The following ACKR3 variants were observed in gnomAD, a reference collection of about 807,000 sequenced individuals.
ACKR3 encodes C-X-C chemokine receptor type 7.
ACKR3 carries 6 observed loss-of-function variants against 22.4 expected under a neutral mutation model. That is an observed-to-expected ratio of 0.27 (90% CI 0.15 to 0.53). ACKR3 has a LOEUF of 0.53. Among genes scored for constraint, ACKR3 ranks in the 20% least tolerant of loss-of-function variants. The probability of loss-of-function intolerance (pLI) is 0.96; values close to 1 mark genes in which losing one functional copy is unlikely to be tolerated. For synonymous variants in ACKR3, 209 were observed against 205.2 expected, an observed-to-expected ratio of 1.02 and a Z score of -0.16; for missense variants, 396 against 475.2, an observed-to-expected ratio of 0.83 and a Z score of 1.55.
chr2:236,545,282 C>T, the ACKR3 span, among the ~76,000 whole-genome samples: 8,792 of 152,216 alleles, frequency 0.058, 353 homozygotes, highest in African/African-American at 0.1. This position sits in a 1 kb window ranked among gnomAD's most constrained non-coding sequence, Gnocchi z 5.3. Flanking sequence ...AGAGTTCGTG[C>T]CTGGTGGGCT....
upstream of ACKR3, among the ~76,000 whole-genome samples, chr2:236,566,258 C>T (rs1356732856): frequency 1.3e-5 from 2 of 152,220 alleles, no homozygotes; most frequent in Non-Finnish European, 2.9e-5. Context: ...GAGGGAGGAG[C>T]TTAGCTGAAA....
intron 1 of ACKR3, among the ~76,000 whole-genome samples, chr2:236,575,143 T>C (rs1691381435): frequency 6.6e-6 from 1 of 152,102 alleles, no homozygotes; most frequent in African/African-American, 2.4e-5. Context: ...TGAACCTCGA[T>C]TGTTCTGTGG....
chr2:236,545,029 G>A, the ACKR3 span, among the ~76,000 whole-genome samples: 1 of 152,306 alleles, frequency 6.6e-6, no homozygotes, highest in East Asian at 1.9e-4. This position sits in a 1 kb window ranked among gnomAD's most constrained non-coding sequence, Gnocchi z 5.3. Flanking sequence ...AGCAGAGGTG[G>A]GGAAGACACA....
At chr2:236,551,518 A>G in the ACKR3 span, among the ~76,000 whole-genome samples, 2 of 152,032 alleles carry the variant, frequency 1.3e-5, no homozygotes, top group Non-Finnish European at 2.9e-5. Context: ...TGCCACCTGA[A>G]TCTCCCAGTG....
rs544060211 is a variant in ACKR3, at chr2:236,574,371, G to T, written c.-27+4447G>T. Among the ~76,000 whole-genome samples, 1 of 152,142 alleles carries T rather than the reference G, an allele frequency of 6.6e-6. No individual in the cohort carries two copies. The highest frequency in any genetic ancestry group is 1.5e-5 in the Non-Finnish European group (1 of 68,026). On this transcript the variant is annotated intron_variant, in intron 1 of 1. Transcript: ENST00000272928. The surrounding 1 kb of genome is among the most constrained non-coding windows in gnomAD (Gnocchi z 5.6). ...TACACAAAGTTACAGAAGACTTGGT[G>T]GGGGGTGCGGGGCCTGGTAGGAATG...
At chr2:236,559,985 C>A in the ACKR3 span, among the ~76,000 whole-genome samples, 6 of 152,264 alleles carry the variant, frequency 3.9e-5, no homozygotes, top group Admixed American at 6.5e-5. Context: ...CTTTCCATTT[C>A]AAGAGAGTGT....
At chr2:236,543,991 A>G in the ACKR3 span, among the ~76,000 whole-genome samples, 1 of 44,242 alleles carries the variant, frequency 2.3e-5, no homozygotes, top group East Asian at 5.5e-4. Flanking sequence ...ATATATATAT[A>G]TACACTTTTT....
the ACKR3 span, among the ~76,000 whole-genome samples, chr2:236,551,563 C>T: frequency 2.0e-5 from 3 of 152,182 alleles, no homozygotes; most frequent in Admixed American, 6.5e-5. Flanking sequence ...GGTGCAGACA[C>T]CAGCTGATTT....
the ACKR3 span, among the ~76,000 whole-genome samples, chr2:236,557,325 G>T: frequency 6.6e-6 from 1 of 151,910 alleles, no homozygotes; most frequent in African/African-American, 2.4e-5. Flanking sequence ...AGAGAGCCTG[G>T]AAGTTGCAAC....
chr2:236,567,546 T>C (rs957133424), upstream of ACKR3, among the ~76,000 whole-genome samples: 1 of 152,228 alleles, frequency 6.6e-6, no homozygotes, highest in Non-Finnish European at 1.5e-5. Flanking sequence ...CCCTGCTTGC[T>C]TACCCTCTCG....
At position 236,581,698 on chromosome 2, in the gene ACKR3, T is replaced by G; in HGVS notation, c.*144T>G. ...GGGGAGCACGTGCCCCCTGCATCCATTCTCTCTTTCTCTTGATGACGCAGC... is the reference window on the plus strand; with the variant it reads ...GGGGAGCACGTGCCCCCTGCATCCAGTCTCTCTTTCTCTTGATGACGCAGC... On this transcript the variant is annotated 3_prime_UTR_variant, in exon 2 of 2. Coordinates refer to ENST00000272928, the MANE Select transcript of ACKR3 (RefSeq NM_020311.3). This position sits in a 1 kb window ranked among gnomAD's most constrained non-coding sequence, Gnocchi z 4.4. The G allele has an allele frequency of 4.0e-6, 4 of 1,008,940 alleles. No individual in the cohort carries two copies. Among genetic ancestry groups the G allele is most frequent in the Non-Finnish European group, 4.3e-6 (3 of 701,334 alleles). The allele number at this position is 1,008,940 out of a possible 1,614,324, so 62.5% of individuals were successfully genotyped here.
intron 1 of ACKR3, among the ~76,000 whole-genome samples, chr2:236,570,347 A>C (rs1691281221): frequency 6.6e-6 from 1 of 152,236 alleles, no homozygotes; most frequent in Non-Finnish European, 1.5e-5. Context: ...ATCAGTTTGG[A>C]AACAGATAAA....
In ACKR3 at chr2:236,577,520, A is replaced by C. The variant is rs1297340198; in HGVS notation, c.-26-2920A>C. On this transcript the variant is annotated intron_variant, in intron 1 of 1. Transcript: ENST00000272928. This position sits in a 1 kb window ranked among gnomAD's most constrained non-coding sequence, Gnocchi z 5.6. ...GGGTGAGTGTCTATTTTGTGCTAAG[A>C]GTGGAGGAACTGGAAGGAAGGACAC... 6.6e-6 allele frequency among the ~76,000 whole-genome samples: 1 copy of C among 151,936 alleles called. No homozygotes were observed. The highest frequency in any genetic ancestry group is 6.5e-5 in the Admixed American group (1 of 15,272).
the ACKR3 span, among the ~76,000 whole-genome samples, chr2:236,543,168 G>A: frequency 2.6e-5 from 4 of 152,158 alleles, no homozygotes; most frequent in Non-Finnish European, 5.9e-5. Context: ...AGCAGACAAG[G>A]AAAATGAGGT....
chr2:236,546,326 C>T, the ACKR3 span, among the ~76,000 whole-genome samples: 1 of 152,312 alleles, frequency 6.6e-6, no homozygotes, highest in African/African-American at 2.4e-5. The surrounding 1 kb of genome is among the most constrained non-coding windows in gnomAD (Gnocchi z 4.9). Context: ...TGACACACAC[C>T]TCTTGACTTC....
rs999815576 is a variant in ACKR3, at chr2:236,574,923, G to A, written c.-27+4999G>A. Among the ~76,000 whole-genome samples the A allele has an allele frequency of 6.6e-6, 1 of 152,176 alleles. No homozygotes were observed. The highest frequency in any genetic ancestry group is 2.4e-5 in the African/African-American group (1 of 41,442). On this transcript the variant is annotated intron_variant, in intron 1 of 1. Coordinates refer to ENST00000272928, the MANE Select transcript of ACKR3 (RefSeq NM_020311.3). This position sits in a 1 kb window ranked among gnomAD's most constrained non-coding sequence, Gnocchi z 5.6. The stretch of plus-strand genomic sequence containing the variant: ...TTGCAGGCCATAGGCTGGCAGGGAT[G>A]GAGGGCTGGACAGGTGCTTGCCCAC...
At chr2:236,559,480 C>T in the ACKR3 span, among the ~76,000 whole-genome samples, 1 of 152,138 alleles carries the variant, frequency 6.6e-6, no homozygotes, top group Non-Finnish European at 1.5e-5. Flanking sequence ...TGGTACATAG[C>T]CTTTCTTCCA....
At chr2:236,551,121 C>T in the ACKR3 span, among the ~76,000 whole-genome samples, 4 of 152,232 alleles carry the variant, frequency 2.6e-5, no homozygotes, top group Non-Finnish European at 5.9e-5. Context: ...GCTTCTGCAT[C>T]TCACACTTCC....
In ACKR3 at chr2:236,577,332, C is replaced by A. The variant is rs1211999080; in HGVS notation, c.-26-3108C>A. 6.6e-6 allele frequency among the ~76,000 whole-genome samples: 1 copy of A among 152,166 alleles called. No homozygotes were observed. The highest frequency in any genetic ancestry group is 2.4e-5 in the African/African-American group (1 of 41,438). The stretch of plus-strand genomic sequence containing the variant: ...CGGGGAAGTGCCTATCTCAGAAATA[C>A]TGTTTTTGACTCAGAGGACCAATGG... On this transcript the variant is annotated intron_variant, in intron 1 of 1. Transcript: ENST00000272928. This position sits in a 1 kb window ranked among gnomAD's most constrained non-coding sequence, Gnocchi z 5.6.
Sources: allele counts gnomAD v4.1 joint callset (sites outside exome capture counted in the v4.1 genomes callset), GRCh38; gene constraint gnomAD v4.1.1; non-coding constraint Gnocchi (gnomAD v3.1); transcripts MANE v1.5; gene names NCBI Gene and HGNC (gene_info 2026-07-23, HGNC 2026-07-21).